Variants in COBL observed in about 807,000 individuals in gnomAD.
The protein encoded by COBL is protein cordon-bleu.
A neutral mutation model predicts 98.8 loss-of-function variants in COBL; 51 were observed. The ratio of observed to expected loss-of-function variants is 0.52; its 90% CI spans 0.41 to 0.65. COBL has a LOEUF of 0.65. Among genes scored for constraint, COBL ranks in the 30% least tolerant of loss-of-function variants. The pLI, the probability that COBL is intolerant of heterozygous loss-of-function variation, is 0.00. For missense variants in COBL, 1,617 were observed against 1,617.5 expected (o/e 1.00, Z 0.01); for synonymous variants, 634 against 651.7 (o/e 0.97, Z 0.41).
At chr7:51,089,911 A>G (rs1013815403) in intron 6 of COBL, among the ~76,000 whole-genome samples, 1 of 151,930 alleles carries the variant, frequency 6.6e-6, no homozygotes, top group African/African-American at 2.4e-5. Context: ...GCTGCCTAGT[A>G]CTCCACAGAA....
chr7:51,173,285 A>G (rs1562994714), intron 5 of COBL, among the ~76,000 whole-genome samples: 1 of 151,934 alleles, frequency 6.6e-6, no homozygotes, highest in Non-Finnish European at 1.5e-5. Flanking sequence ...AGGTTCAAGC[A>G]TTCTCCTGCC....
chr7:51,026,261 A>G (rs2128868574), intron 11 of COBL, among the ~76,000 whole-genome samples: 1 of 152,316 alleles, frequency 6.6e-6, no homozygotes, highest in African/African-American at 2.4e-5. Context: ...GTCCAAGTGA[A>G]TTTGGAAAAG....
At chr7:51,184,223 A>T in intron 4 of COBL, 24 bp from the exon 5 acceptor site, 1 of 1,312,136 alleles carries the variant, frequency 7.6e-7, no homozygotes, top group African/African-American at 1.5e-5. Context: ...GCACTAAGTT[A>T]TTTTTCAGCA....
chr7:51,255,279 C>T (rs1797100937), intron 1 of COBL, among the ~76,000 whole-genome samples: 1 of 152,290 alleles, frequency 6.6e-6, no homozygotes, highest in Non-Finnish European at 1.5e-5. Flanking sequence ...TGGGCAGTGT[C>T]ATCAGTGTTA....
At chr7:51,067,703 G>A (rs560828545) in intron 7 of COBL, among the ~76,000 whole-genome samples, 156 of 152,348 alleles carry the variant, frequency 1.0e-3, no homozygotes, top group Middle Eastern at 6.8e-3. Flanking sequence ...TTGTAAATGA[G>A]AGAACTCAAT....
At chr7:51,194,717 T>C (rs1790432851) in intron 2 of COBL, among the ~76,000 whole-genome samples, 1 of 152,228 alleles carries the variant, frequency 6.6e-6, no homozygotes, top group Admixed American at 6.5e-5. Context: ...TGATCACTGA[T>C]GTTGAGCTTT....
At chr7:51,225,275 T>A (rs1794075404) in intron 1 of COBL, among the ~76,000 whole-genome samples, 1 of 152,344 alleles carries the variant, frequency 6.6e-6, no homozygotes, top group Admixed American at 6.5e-5. Context: ...AAGCAGGGGA[T>A]GCCTTTCTCA....
In COBL at chr7:51,217,169, T is replaced by G. The variant is rs115734665; in HGVS notation, c.245+2572A>C. Reference sequence around the variant, plus strand: ...TCAGTCACTACATTACAAAACTTCATGGTGGCAACCTCTACTTTATAAGGG... The same window carrying G: ...TCAGTCACTACATTACAAAACTTCAGGGTGGCAACCTCTACTTTATAAGGG... On this transcript the variant is annotated intron_variant, in intron 2 of 12. Transcript: ENST00000265136. Among the ~76,000 whole-genome samples the G allele has an allele frequency of 3.3e-3, 502 of 152,302 alleles. 4 individuals carry two copies. The highest frequency in any genetic ancestry group is 0.012 in the African/African-American group (481 of 41,554).
At chr7:51,086,242 A>C (rs922121460) in intron 6 of COBL, among the ~76,000 whole-genome samples, 5 of 151,774 alleles carry the variant, frequency 3.3e-5, no homozygotes, top group African/African-American at 1.2e-4. Flanking sequence ...TTGTAGTCTC[A>C]GCTACTCAGG....
intron 3 of COBL, among the ~76,000 whole-genome samples, chr7:51,191,594 CAT>C (rs1188625691): frequency 2.6e-5 from 4 of 151,036 alleles, no homozygotes. Flanking sequence ...TATATACACA[CAT>C]ATATGAAACA....
chr7:51,113,896 T>G (rs867225814), intron 6 of COBL, among the ~76,000 whole-genome samples: 1 of 152,348 alleles, frequency 6.6e-6, no homozygotes, highest in Middle Eastern at 3.4e-3. Context: ...GCTGAAAGAT[T>G]TCCAACTGAC....
At chr7:51,182,560 T>C (rs976210776) in intron 5 of COBL, among the ~76,000 whole-genome samples, 9 of 151,608 alleles carry the variant, frequency 5.9e-5, no homozygotes, top group East Asian at 2.0e-4. Context: ...GGGATTACAG[T>C]TGTGAGCCAC....
At chr7:51,046,026 C>A (rs1293165215) in intron 7 of COBL, among the ~76,000 whole-genome samples, 2 of 151,914 alleles carry the variant, frequency 1.3e-5, no homozygotes, top group Admixed American at 1.3e-4. Flanking sequence ...CACAGCCCTG[C>A]GACACCATTC....
At chr7:51,071,379 T>A (rs56708568) in intron 7 of COBL, 115 of 152,328 alleles carry the variant, frequency 7.5e-4, no homozygotes, top group African/African-American at 2.7e-3. Flanking sequence ...AACTTGTTCA[T>A]CAAATGGCCC....
At chr7:51,051,832 A>G (rs919612580) in intron 7 of COBL, among the ~76,000 whole-genome samples, 3 of 148,488 alleles carry the variant, frequency 2.0e-5, no homozygotes, top group Non-Finnish European at 2.9e-5. Flanking sequence ...TGTAGCCACA[A>G]TGCTGGCTTT....
chr7:51,080,499 C>T (rs1362399889), intron 7 of COBL, among the ~76,000 whole-genome samples: 1 of 152,124 alleles, frequency 6.6e-6, no homozygotes, highest in African/African-American at 2.4e-5. Flanking sequence ...AGAGAAACCC[C>T]TCTGTACCGC....
rs780729635 is a variant in COBL at position 51,193,527 on chromosome 7, T to G, written c.308A>C (p.His103Pro). 5 of 1,614,192 alleles carry G rather than the reference T, an allele frequency of 3.1e-6. No individual in the cohort carries two copies. The highest frequency in any genetic ancestry group is 4.2e-6 in the Non-Finnish European group (5 of 1,180,026). ...TTCTGAAGACCGAATTTCAAGGGCA[T>G]GGTGGGATGGATTCAGGTGGTTCTG... ...CLQNHLNPSH[H>P]ALEIRSSETQ... Residue 103 changes from histidine to proline, a missense_variant, in exon 3 of 13, where the codon CAT becomes CCT. Around this residue, in one of 3 missense-constraint regions of COBL, gnomAD observed 238 missense variants for 215.0 expected, o/e 1.11. Coordinates refer to ENST00000265136, the MANE Select transcript of COBL (RefSeq NM_015198.5).
At chr7:51,251,895 GAATT>G (rs1030159281) in intron 1 of COBL, among the ~76,000 whole-genome samples, 4 of 152,084 alleles carry the variant, frequency 2.6e-5, no homozygotes, top group Non-Finnish European at 5.9e-5. Flanking sequence ...TTTGCTTTCT[GAATT>G]ATTTGAAAGT....
chr7:51,307,190 CA>C (rs1391767229), intron 1 of COBL, among the ~76,000 whole-genome samples: 2 of 150,884 alleles, frequency 1.3e-5, no homozygotes, highest in Admixed American at 6.6e-5. Context: ...ACTAAAAATA[CA>C]AAAAAAAATT....
Sources: allele counts gnomAD v4.1 joint callset (sites outside exome capture counted in the v4.1 genomes callset), GRCh38; gene constraint gnomAD v4.1.1; regional missense constraint gnomAD v4.1.1; transcripts MANE v1.5; gene names NCBI Gene and HGNC (gene_info 2026-07-23, HGNC 2026-07-21).